LTBP1: variants seen among roughly 807,000 people sequenced by gnomAD.
LTBP1 encodes latent transforming growth factor beta binding protein 1.
A neutral mutation model predicts 207.6 loss-of-function variants in LTBP1; 129 were observed. The observed-to-expected ratio is 0.62, with a 90% CI of 0.54 to 0.72. LTBP1 has a LOEUF of 0.72. LTBP1 is among the 30% of genes least tolerant of loss of function. The probability of loss-of-function intolerance (pLI) is 0.00; values close to 1 mark genes in which losing one functional copy is unlikely to be tolerated. For missense variants in LTBP1, 2,281 were observed against 2,217.2 expected, an observed-to-expected ratio of 1.03 and a Z score of -0.58; for synonymous variants, 963 against 833.7, an observed-to-expected ratio of 1.16 and a Z score of -2.67.
intron 3 of LTBP1, among the ~76,000 whole-genome samples, chr2:33,097,012 G>A (rs1444852753): frequency 4.6e-5 from 7 of 152,140 alleles, no homozygotes; most frequent in African/African-American, 7.2e-5. Flanking sequence ...GAAGGGAGAG[G>A]AAGATACTGA....
At chr2:33,139,666 G>T (rs750140623) in intron 5 of LTBP1, among the ~76,000 whole-genome samples, 5 of 152,202 alleles carry the variant, frequency 3.3e-5, no homozygotes, top group African/African-American at 4.8e-5. Flanking sequence ...GAAGGGAGAC[G>T]TGGAACTTGA....
intron 1 of LTBP1, 33 bp downstream of exon 1, chr2:32,947,851 G>GCCCC: frequency 7.8e-7 from 1 of 1,276,168 alleles, no homozygotes; most frequent in African/African-American, 1.6e-5. Flanking sequence ...CCGCCCGCCC[G>GCCCC]CCTCGCGCGC....
chr2:33,163,813 A>G (rs959126314), intron 5 of LTBP1, among the ~76,000 whole-genome samples: 5 of 152,228 alleles, frequency 3.3e-5, no homozygotes, highest in African/African-American at 4.8e-5. Context: ...TCTAGTTAAT[A>G]AAGATTTGAT....
chr2:33,269,641 G>C (rs2093271416), intron 15 of LTBP1, among the ~76,000 whole-genome samples: 1 of 152,180 alleles, frequency 6.6e-6, no homozygotes, highest in South Asian at 2.1e-4. Context: ...AGTTTCTAGA[G>C]TTTATATTGA....
intron 31 of LTBP1, among the ~76,000 whole-genome samples, chr2:33,369,708 AT>A: frequency 6.6e-6 from 1 of 152,110 alleles, no homozygotes; most frequent in East Asian, 1.9e-4. Context: ...CACAAAAATA[AT>A]TTTTTGTATT....
In LTBP1 at chr2:33,298,796, C is replaced by T. The variant is rs184155906; in HGVS notation, c.3236-1655C>T. Among the ~76,000 whole-genome samples, 406 of 152,150 alleles carry T rather than the reference C, an allele frequency of 2.7e-3. 1 individual carries two copies. Among genetic ancestry groups the T allele is most frequent in the African/African-American group, 9.3e-3 (384 of 41,506 alleles). On this transcript the variant is annotated intron_variant, in intron 20 of 33. Coordinates refer to ENST00000404816, the MANE Select transcript of LTBP1 (RefSeq NM_206943.4). ...AGTTTTTAATCAACTAAAGTAATTG[C>T]TATGAAATATTAAATAAAATAAGAA...
At chr2:33,006,638 C>T (rs567392042) in intron 2 of LTBP1, among the ~76,000 whole-genome samples, 2 of 152,148 alleles carry the variant, frequency 1.3e-5, no homozygotes, top group East Asian at 1.9e-4. Flanking sequence ...CCATCTTGAT[C>T]TCCCAAAGTG....
At chr2:33,162,463 A>G (rs76572369) in intron 5 of LTBP1, among the ~76,000 whole-genome samples, 3,203 of 152,206 alleles carry the variant, frequency 0.021, 126 homozygotes, top group African/African-American at 0.073. Context: ...AATCATAACA[A>G]CTCTGAACAT....
At chr2:33,339,052 G>A (rs200064169) in intron 24 of LTBP1, among the ~76,000 whole-genome samples, 1 of 148,018 alleles carries the variant, frequency 6.8e-6, no homozygotes, top group Admixed American at 6.8e-5. Context: ...TAGAGGGAGG[G>A]AGGCAAGACT....
rs777685409 is a variant in LTBP1, at chr2:33,110,760, A to G, written c.1033+9A>G. ...TGCGGCACCTTTTCAGCGTGAGTAT[A>G]GTCTTATCAACCATTTTCCCAAGTT... On this transcript the variant is annotated intron_variant, in intron 4 of 33. Transcript: ENST00000404816. 5.7e-5 allele frequency: 92 copies of G among 1,610,816 alleles called. No homozygotes were observed. The highest frequency in any genetic ancestry group is 7.6e-5 in the Non-Finnish European group (90 of 1,177,560).
At chr2:33,013,534 A>G (rs17838353) in intron 2 of LTBP1, among the ~76,000 whole-genome samples, 6,702 of 151,922 alleles carry the variant, frequency 0.044, 502 homozygotes, top group East Asian at 0.28. Context: ...GCTTATATAC[A>G]CTAAACTGTA....
At chr2:33,078,862 C>CTTTTCTTTTTTTTTTTTTTTTTTT (rs1367646259) in intron 3 of LTBP1, among the ~76,000 whole-genome samples, 16 of 106,886 alleles carry the variant, frequency 1.5e-4, no homozygotes, top group Non-Finnish European at 2.4e-4. Flanking sequence ...CTTTTCTTTT[C>CTTTTCTTTTTTTTTTTTTTTTTTT]TTTTTTTTTT....
chr2:33,009,616 C>T (rs944477081), intron 2 of LTBP1, among the ~76,000 whole-genome samples: 1 of 152,168 alleles, frequency 6.6e-6, no homozygotes, highest in African/African-American at 2.4e-5. Context: ...ATCTTTCAGT[C>T]CTCAGGAGGA....
intron 32 of LTBP1, 25 bp downstream of exon 32, chr2:33,389,331 T>G: frequency 6.2e-7 from 1 of 1,613,188 alleles, no homozygotes; most frequent in Non-Finnish European, 8.5e-7. Flanking sequence ...CTTGTTCCTT[T>G]GATACTAAGT....
chr2:33,110,774 T>C, intron 4 of LTBP1, 23 bp downstream of exon 4: 1 of 1,604,350 alleles, frequency 6.2e-7, no homozygotes, highest in Non-Finnish European at 8.5e-7. Flanking sequence ...TTATCAACCA[T>C]TTTCCCAAGT....
chr2:33,336,769 A>G (rs1485732622), intron 24 of LTBP1, among the ~76,000 whole-genome samples: 1 of 152,230 alleles, frequency 6.6e-6, no homozygotes, highest in Non-Finnish European at 1.5e-5. Flanking sequence ...AGAGAAGGAG[A>G]TGTTAAGAAA....
Position 33,398,532 on chromosome 2 carries a change from G to A in LTBP1, c.5153G>A (p.Ser1718Asn). Residue 1718 changes from serine to asparagine, a missense_variant, in exon 34 of 34, where the codon AGT becomes AAT. By Grantham distance (46) the Ser-to-Asn change is conservative. Around this residue, in one of 3 missense-constraint regions of LTBP1, gnomAD observed 1,671 missense variants for 1,634.8 expected, o/e 1.02. Transcript: ENST00000404816. ...ACCGCCTTGAATTTAGAGAAAGACA[G>A]TGACCTGGAGTGAAACAGAATCTAC... ...LNTALNLEKD[S>N]DLE The A allele has an allele frequency of 6.2e-6, 10 of 1,613,882 alleles. No homozygotes were observed. The highest frequency in any genetic ancestry group is 8.5e-6 in the Non-Finnish European group (10 of 1,179,866).
intron 5 of LTBP1, among the ~76,000 whole-genome samples, chr2:33,181,572 A>G (rs1365262796): frequency 1.3e-5 from 2 of 152,242 alleles, no homozygotes; most frequent in African/African-American, 4.8e-5. Context: ...CTGAAGGCCT[A>G]CCTCTTGTTA....
At chr2:33,364,494 A>T in intron 30 of LTBP1, 138 bp downstream of exon 30, 1 of 809,186 alleles carries the variant, frequency 1.2e-6, no homozygotes, top group Non-Finnish European at 1.9e-6. Flanking sequence ...ATACAATGAG[A>T]TACTTACAGA....
Sources: gnomAD v4.1 joint callset for allele counts (sites outside exome capture counted in the v4.1 genomes callset) on GRCh38, gnomAD v4.1.1 for gene constraint, gnomAD v4.1.1 regional missense constraint, MANE v1.5 for transcripts, NCBI Gene and HGNC (gene_info 2026-07-23, HGNC 2026-07-21) for gene names.